PCDHGB2: variants seen among roughly 807,000 people sequenced by gnomAD.
PCDHGB2 encodes protocadherin gamma-B2.
A neutral mutation model predicts 59.3 loss-of-function variants in PCDHGB2; 55 were observed. That is an observed-to-expected ratio of 0.93 (90% CI 0.75 to 1.16). The LOEUF is 1.16. Among genes scored for constraint, PCDHGB2 ranks in the 50% most tolerant of loss-of-function variants. PCDHGB2 has a pLI of 0.00. For missense variants in PCDHGB2, 1,228 were observed against 1,198.5 expected, an observed-to-expected ratio of 1.02 and a Z score of -0.36; for synonymous variants, 516 against 512.0, an observed-to-expected ratio of 1.01 and a Z score of -0.11.
chr5:141,475,343 G>C (rs1425482944), intron 1 of PCDHGB2, among the ~76,000 whole-genome samples: 3 of 152,178 alleles, frequency 2.0e-5, no homozygotes, highest in Non-Finnish European at 2.9e-5. Context: ...ATGACATCCA[G>C]TTTTAAAAGA....
At chr5:141,404,044 A>G (rs752955570) in intron 1 of PCDHGB2, 3 of 1,613,936 alleles carry the variant, frequency 1.9e-6, no homozygotes, top group South Asian at 1.1e-5. Context: ...CTCAGGGAAC[A>G]GTAATTCTTC....
intron 1 of PCDHGB2, chr5:141,399,287 C>A: frequency 6.2e-7 from 1 of 1,613,912 alleles, no homozygotes; most frequent in Non-Finnish European, 8.5e-7. Context: ...GGCGAAGTCC[C>A]TTTTAAGATT....
rs768383792 is a variant in PCDHGB2 at position 141,476,155 on chromosome 5, C to A, written c.2422-18652C>A. 1.2e-6 allele frequency: 2 copies of A among 1,612,382 alleles called. No homozygotes were observed. Among genetic ancestry groups the A allele is most frequent in the Non-Finnish European group, 1.7e-6 (2 of 1,179,764 alleles). On this transcript the variant is annotated intron_variant, in intron 1 of 3. Coordinates refer to ENST00000522605, the MANE Select transcript of PCDHGB2 (RefSeq NM_018923.3). This position sits in a 1 kb window ranked among gnomAD's most constrained non-coding sequence, Gnocchi z 7.6. ...CCTGGAGGAGCGGACTGGTAAGCAC[C>A]GGGAGGGTAGTGGGAGTTTTGCTTC... is the stretch of plus-strand genomic sequence containing the variant.
At chr5:141,383,515 C>G (rs749503295) in intron 1 of PCDHGB2, 1 of 1,612,350 alleles carries the variant, frequency 6.2e-7, no homozygotes, top group Non-Finnish European at 8.5e-7. Flanking sequence ...GGAGGAAGAG[C>G]GGGTTCACCA....
At chr5:141,441,102 C>G (rs1057297804) in intron 1 of PCDHGB2, 1 of 152,148 alleles carries the variant, frequency 6.6e-6, no homozygotes, top group East Asian at 1.9e-4. Context: ...GAGAGGGACT[C>G]ATTGTCCAGT....
At chr5:141,465,747 A>G (rs2099108470) in intron 1 of PCDHGB2, among the ~76,000 whole-genome samples, 2 of 151,126 alleles carry the variant, frequency 1.3e-5, no homozygotes, top group African/African-American at 4.9e-5. Flanking sequence ...TCAGGATCAG[A>G]CTGGTAAAGT....
At chr5:141,474,758 C>T (rs2099354200) in intron 1 of PCDHGB2, among the ~76,000 whole-genome samples, 1 of 152,210 alleles carries the variant, frequency 6.6e-6, no homozygotes, top group Non-Finnish European at 1.5e-5. Flanking sequence ...GACAAATATA[C>T]AGAAATAGTA....
At position 141,477,632 on chromosome 5, in the gene PCDHGB2, G is replaced by A. The variant is rs1262622928; in HGVS notation, c.2422-17175G>A. Reference sequence around the variant, plus strand: ...GGAGCAAGGAGCTGAAACCGGGCTAGTGGGTCGCTATTTCACAATAAATCG... The same window carrying A: ...GGAGCAAGGAGCTGAAACCGGGCTAATGGGTCGCTATTTCACAATAAATCG... On this transcript the variant is annotated intron_variant, in intron 1 of 3. Coordinates refer to ENST00000522605, the MANE Select transcript of PCDHGB2 (RefSeq NM_018923.3). This position sits in a 1 kb window ranked among gnomAD's most constrained non-coding sequence, Gnocchi z 4.9. 6.8e-6 allele frequency: 11 copies of A among 1,614,218 alleles called. No homozygotes were observed. Among genetic ancestry groups the A allele is most frequent in the Non-Finnish European group, 9.3e-6 (11 of 1,180,046 alleles).
chr5:141,421,695 T>C (rs374319762), intron 1 of PCDHGB2: 15 of 1,613,840 alleles, frequency 9.3e-6, no homozygotes, highest in Non-Finnish European at 1.2e-5. Context: ...TTGCTCTTCC[T>C]AATGCTAGGG....
intron 1 of PCDHGB2, 138 bp from the exon 2 acceptor site, chr5:141,494,669 T>A: frequency 6.5e-7 from 1 of 1,527,472 alleles, no homozygotes; most frequent in South Asian, 1.2e-5. Context: ...TGGAGATGAG[T>A]CCACCCCTGC....
rs1310227506 is a variant in PCDHGB2, at chr5:141,432,214, CCAGATCACTTATTCCCTGG to C, written c.2422-62591_2422-62573del. ...ACGACCCCGACTGTGAAGAGAACGC[CCAGATCACTTATTCCCTGG>C]CTGAGAACACCATCCAAGGGGCAAG... is the stretch of plus-strand genomic sequence containing the variant. On this transcript the variant is annotated intron_variant, in intron 1 of 3. Transcript: ENST00000522605. This position sits in a 1 kb window ranked among gnomAD's most constrained non-coding sequence, Gnocchi z 6.0. 3.1e-6 allele frequency: 5 copies of C among 1,614,236 alleles called. No homozygotes were observed. The highest frequency in any genetic ancestry group is 4.2e-6 in the Non-Finnish European group (5 of 1,180,050).
rs200625256 is a variant in PCDHGB2 at position 141,477,009 on chromosome 5, A to G, written c.2422-17798A>G. 7.5e-5 allele frequency: 121 copies of G among 1,614,064 alleles called. No homozygotes were observed. Among genetic ancestry groups the G allele is most frequent in the Non-Finnish European group, 9.2e-5 (109 of 1,180,028 alleles). On this transcript the variant is annotated intron_variant, in intron 1 of 3. Transcript: ENST00000522605. This position sits in a 1 kb window ranked among gnomAD's most constrained non-coding sequence, Gnocchi z 4.9. The stretch of plus-strand genomic sequence containing the variant: ...GGCGTGCGGCAACTATTCGCCTTAG[A>G]CCTTGTAACCGGGATGCTGACAATC...
chr5:141,460,909 G>GGT (rs548378036), intron 1 of PCDHGB2, among the ~76,000 whole-genome samples: 1,853 of 123,260 alleles, frequency 0.015, 18 homozygotes, highest in Non-Finnish European at 0.019. Context: ...AATATTCCAT[G>GGT]GTGTATATAT....
chr5:141,387,606 T>C, intron 1 of PCDHGB2: 1 of 549,218 alleles, frequency 1.8e-6, no homozygotes, highest in Non-Finnish European at 3.2e-6. Context: ...GCAGAGGCTG[T>C]AGTTTCCTAG....
intron 2 of PCDHGB2, among the ~76,000 whole-genome samples, chr5:141,504,870 AG>A (rs1453764331): frequency 6.6e-6 from 1 of 151,996 alleles, no homozygotes; most frequent in Non-Finnish European, 1.5e-5. Context: ...CCACCTTCAC[AG>A]TCCTCTGGAG....
At chr5:141,388,369 T>G in intron 1 of PCDHGB2, 1 of 1,614,006 alleles carries the variant, frequency 6.2e-7, no homozygotes, top group Non-Finnish European at 8.5e-7. Flanking sequence ...GATGCGGATA[T>G]TGGTAGCAAC....
At chr5:141,400,261 C>G in intron 1 of PCDHGB2, 1 of 1,614,058 alleles carries the variant, frequency 6.2e-7, no homozygotes. Context: ...CTTGCGCCTG[C>G]GACGCTCCTC....
At chr5:141,372,433 C>T in intron 1 of PCDHGB2, 1 of 1,614,060 alleles carries the variant, frequency 6.2e-7, no homozygotes, top group Non-Finnish European at 8.5e-7. Flanking sequence ...GACCGCCCCA[C>T]TCCCTCTGAC....
Position 141,423,156 on chromosome 5 carries a change from CGTG to C in PCDHGB2, c.2421+60605_2421+60607del, listed in dbSNP as rs776903094. On this transcript the variant is annotated intron_variant, in intron 1 of 3. Coordinates refer to ENST00000522605, the MANE Select transcript of PCDHGB2 (RefSeq NM_018923.3). ...ACAGAGACGCGCTCAAGCAGAGCCT[CGTG>C]GTGGCCGTCCAGGACCACGGCCAGC... 8.2e-4 allele frequency: 1,328 copies of C among 1,613,396 alleles called. 15 individuals are homozygous for C. Among genetic ancestry groups the C allele is most frequent in the Admixed American group, 9.5e-4 (57 of 60,016 alleles).
Sources: gnomAD v4.1 joint callset for allele counts (sites outside exome capture counted in the v4.1 genomes callset) on GRCh38, gnomAD v4.1.1 for gene constraint, Gnocchi (gnomAD v3.1) non-coding constraint, MANE v1.5 for transcripts, NCBI Gene and HGNC (gene_info 2026-07-23, HGNC 2026-07-21) for gene names.